LRMDA: variants seen among roughly 807,000 people sequenced by gnomAD.
The protein encoded by LRMDA is leucine rich melanocyte differentiation associated.
Under a neutral mutation model 29.8 loss-of-function variants are expected in LRMDA, and 18 were observed. That is an observed-to-expected ratio of 0.60 (90% CI 0.42 to 0.90). The LOEUF is 0.90. Ranked by LOEUF, LRMDA falls within the 40% of genes least tolerant of loss-of-function variation. The pLI is 0.00. For missense variants in LRMDA, 273 were observed against 273.9 expected, an observed-to-expected ratio of 1.00 and a Z score of 0.02; for synonymous variants, 125 against 109.4, an observed-to-expected ratio of 1.14 and a Z score of -0.89.
chr10:75,802,320 AACACACACACACGCGCACACACAC>A (rs1203515280), intron 2 of LRMDA, among the ~76,000 whole-genome samples: 35 of 139,608 alleles, frequency 2.5e-4, no homozygotes, highest in African/African-American at 9.2e-4. Flanking sequence ...CCTATCTCTA[AACACACACACACGCGCACACACAC>A]ACACACACAC....
chr10:75,744,174 G>C (rs947691411), intron 2 of LRMDA, among the ~76,000 whole-genome samples: 1 of 152,202 alleles, frequency 6.6e-6, no homozygotes, highest in Non-Finnish European at 1.5e-5. Context: ...TAGCACTAGA[G>C]TAAAGGCGGT....
chr10:76,182,197 A>G (rs1318342648), intron 5 of LRMDA, among the ~76,000 whole-genome samples: 1 of 152,160 alleles, frequency 6.6e-6, no homozygotes, highest in Admixed American at 6.5e-5. Context: ...GTGGAAGGCA[A>G]AGGGAAGCAA....
intron 2 of LRMDA, among the ~76,000 whole-genome samples, chr10:75,994,921 G>T (rs572250952): frequency 1.6e-4 from 24 of 152,254 alleles, no homozygotes; most frequent in African/African-American, 5.5e-4. Flanking sequence ...TTTGTAGTTT[G>T]CTCTCAAGGA....
intron 6 of LRMDA, among the ~76,000 whole-genome samples, chr10:76,342,376 A>C (rs1452087259): frequency 6.6e-6 from 1 of 152,168 alleles, no homozygotes; most frequent in Non-Finnish European, 1.5e-5. Context: ...AGATAGATTT[A>C]AGATAATTAT....
chr10:75,865,084 A>G (rs1387878204), intron 2 of LRMDA, among the ~76,000 whole-genome samples: 1 of 152,088 alleles, frequency 6.6e-6, no homozygotes, highest in Non-Finnish European at 1.5e-5. Flanking sequence ...TTCCCTCCAA[A>G]TCATTTGGCC....
chr10:75,645,632 G>T (rs1402410022), intron 2 of LRMDA, among the ~76,000 whole-genome samples: 1 of 152,266 alleles, frequency 6.6e-6, no homozygotes, highest in East Asian at 1.9e-4. Flanking sequence ...CAGAGTCCTG[G>T]TGGGGGAAAC....
At chr10:75,436,546 C>A (rs1255157267) in intron 1 of LRMDA, among the ~76,000 whole-genome samples, 1 of 151,876 alleles carries the variant, frequency 6.6e-6, no homozygotes, top group Admixed American at 6.6e-5. Context: ...CGGCTCACTG[C>A]AAGCTCCGCC....
chr10:75,986,200 T>A (rs927094876), intron 2 of LRMDA, among the ~76,000 whole-genome samples: 1 of 152,170 alleles, frequency 6.6e-6, no homozygotes, highest in Non-Finnish European at 1.5e-5. Context: ...GGTTTAAAGA[T>A]CAATAAGATA....
At chr10:75,893,459 A>G (rs1451330180) in intron 2 of LRMDA, among the ~76,000 whole-genome samples, 1 of 152,224 alleles carries the variant, frequency 6.6e-6, no homozygotes, top group African/African-American at 2.4e-5. Context: ...AGCAGAGTAT[A>G]TTTGCATGAA....
At chr10:75,894,145 T>G (rs922780838) in intron 2 of LRMDA, among the ~76,000 whole-genome samples, 1 of 152,160 alleles carries the variant, frequency 6.6e-6, no homozygotes, top group Non-Finnish European at 1.5e-5. Context: ...CAGTATACAC[T>G]GCATCCTATT....
intron 5 of LRMDA, among the ~76,000 whole-genome samples, chr10:76,071,026 G>T (rs148017226): frequency 1.2e-4 from 18 of 152,284 alleles, no homozygotes; most frequent in African/African-American, 3.6e-4. Flanking sequence ...CAGGACCAAT[G>T]CGGGAAAGGA....
At chr10:76,495,711 A>G (rs1447318853) in intron 6 of LRMDA, among the ~76,000 whole-genome samples, 1 of 151,920 alleles carries the variant, frequency 6.6e-6, no homozygotes, top group Admixed American at 6.6e-5. Flanking sequence ...ATTTTTTTAT[A>G]CAAATTGTAT....
At chr10:76,426,680 A>G (rs1016443609) in intron 6 of LRMDA, among the ~76,000 whole-genome samples, 2 of 152,216 alleles carry the variant, frequency 1.3e-5, no homozygotes, top group South Asian at 2.1e-4. Flanking sequence ...CCTTGGCCAT[A>G]CCTATGTCCT....
At chr10:75,440,543 G>T (rs1435389729) in intron 2 of LRMDA, among the ~76,000 whole-genome samples, 10 of 152,106 alleles carry the variant, frequency 6.6e-5, no homozygotes, top group Non-Finnish European at 7.4e-5. Context: ...CTCCTGACTT[G>T]AGTTGGGTGT....
intron 2 of LRMDA, among the ~76,000 whole-genome samples, chr10:75,548,058 T>C (rs1840099733): frequency 6.6e-6 from 1 of 151,988 alleles, no homozygotes; most frequent in South Asian, 2.1e-4. Context: ...TCTGTATCTT[T>C]GTGGAAAGTA....
rs74896721 is a variant in LRMDA, at chr10:75,440,182, G to A, written c.131+1688G>A. Among the ~76,000 whole-genome samples the A allele has an allele frequency of 4.0e-4, 60 of 149,178 alleles. 1 individual carries two copies. The East Asian group carries it at 0.011, about 28-fold the overall frequency. Reference sequence around the variant, plus strand: ...GTGGCAAGAAGGGGCTGTTGGCTCTGAGGGGCTGGATCTATATGGATTTAT... The same window carrying A: ...GTGGCAAGAAGGGGCTGTTGGCTCTAAGGGGCTGGATCTATATGGATTTAT... On this transcript the variant is annotated intron_variant, in intron 2 of 6. Transcript: ENST00000611255.
At chr10:76,268,627 C>T (rs149705412) in intron 5 of LRMDA, among the ~76,000 whole-genome samples, 8 of 152,270 alleles carry the variant, frequency 5.3e-5, no homozygotes, top group Non-Finnish European at 7.4e-5. Flanking sequence ...TTTCTTACAG[C>T]GATAAAATGG....
intron 2 of LRMDA, among the ~76,000 whole-genome samples, chr10:75,705,309 A>G (rs923016964): frequency 2.6e-5 from 4 of 152,260 alleles, no homozygotes; most frequent in Admixed American, 2.6e-4. Flanking sequence ...AGAGAATAAG[A>G]GGGGAGGGAG....
At chr10:76,075,368 C>G (rs1848940562) in intron 5 of LRMDA, among the ~76,000 whole-genome samples, 1 of 152,188 alleles carries the variant, frequency 6.6e-6, no homozygotes. Flanking sequence ...AAAGAGGCAG[C>G]AAGAGAGTTG....
Sources: allele counts gnomAD v4.1 joint callset (sites outside exome capture counted in the v4.1 genomes callset), GRCh38; gene constraint gnomAD v4.1.1; transcripts MANE v1.5; gene names NCBI Gene and HGNC (gene_info 2026-07-23, HGNC 2026-07-21).